TRNP1: variants seen among roughly 807,000 people sequenced by gnomAD.
The protein encoded by TRNP1 is TMF1 regulated nuclear protein 1.
In TRNP1, 16 loss-of-function variants were observed where a neutral mutation model predicts 12.2. The observed-to-expected ratio is 1.31, with a 90% CI of 0.89 to 1.99. TRNP1 has a LOEUF of 1.99. Ranked by LOEUF, TRNP1 falls within the 30% of genes most tolerant of loss-of-function variation. The pLI, the probability that TRNP1 is intolerant of heterozygous loss-of-function variation, is 0.00. For missense variants in TRNP1, 338 were observed against 330.4 expected (o/e 1.02, Z -0.18); for synonymous variants, 139 against 166.2 (o/e 0.84, Z 1.26).
rs189923445 is a variant in TRNP1 at position 26,998,885 on chromosome 1, G to C, written c.*143-962G>C. 2.6e-5 allele frequency among the ~76,000 whole-genome samples: 4 copies of C among 152,320 alleles called. No homozygotes were observed. The East Asian group carries it at 7.7e-4, about 29-fold the overall frequency. On this transcript the variant is annotated intron_variant, in intron 1 of 1. Transcript: ENST00000522111. ...AAGTGAGGGATCTCTTAAACATTAG[G>C]ATATATGGTGATTCATTTATCAGGC... is the stretch of plus-strand genomic sequence containing the variant.
intron 1 of TRNP1, among the ~76,000 whole-genome samples, chr1:26,996,614 A>AAC (rs1217247830): frequency 2.0e-5 from 3 of 152,122 alleles, no homozygotes; most frequent in African/African-American, 7.2e-5. Context: ...TGCAGCCAGG[A>AAC]CCATTTGTTT....
chr1:26,993,845 A>T lies in TRNP1; in HGVS notation c.59A>T (p.Gln20Leu). The change falls in exon 1 of 2, where the codon CAG becomes CTG. Residue 20 changes from glutamine (Q) to leucine (L), a missense_variant. Physicochemically the swap from Gln to Leu is moderately radical, Grantham distance 113. Coordinates refer to ENST00000522111, the MANE Select transcript of TRNP1 (RefSeq NM_001013642.3). The stretch of plus-strand genomic sequence containing the variant: ...GGGGCCCAGGAGGGGACGGCAGAGC[A>T]GAGGTCGCCGCCGCCGCCCTGGGAT... Reference protein sequence around the residue: ...GPGAQEGTAEQRSPPPPWDPM... With the variant: ...GPGAQEGTAELRSPPPPWDPM... 2.2e-6 allele frequency: 3 copies of T among 1,352,844 alleles called. No individual in the cohort carries two copies. Among genetic ancestry groups the T allele is most frequent in the Non-Finnish European group, 2.8e-6 (3 of 1,060,212 alleles). The allele number at this position is 1,352,844 out of a possible 1,614,324, so 83.8% of individuals were successfully genotyped here.
intron 1 of TRNP1, among the ~76,000 whole-genome samples, chr1:26,996,862 C>G (rs1161831133): frequency 6.6e-6 from 1 of 152,038 alleles, no homozygotes; most frequent in East Asian, 1.9e-4. Context: ...AGCTCTGCCC[C>G]CTCCCTCCAC....
chr1:26,999,095 A>G (rs995242169), intron 1 of TRNP1, among the ~76,000 whole-genome samples: 20 of 152,102 alleles, frequency 1.3e-4, no homozygotes, highest in African/African-American at 3.6e-4. Flanking sequence ...TGAGTCAGCA[A>G]CCTGGCTTCT....
intron 1 of TRNP1, among the ~76,000 whole-genome samples, chr1:26,998,920 G>T (rs1245763040): frequency 6.6e-6 from 1 of 152,214 alleles, no homozygotes; most frequent in African/African-American, 2.4e-5. Flanking sequence ...CTAAAGAGAG[G>T]TCCGTTTAGG....
At chr1:26,995,039 G>T (rs904069267) in intron 1 of TRNP1, among the ~76,000 whole-genome samples, 1 of 152,254 alleles carries the variant, frequency 6.6e-6, no homozygotes, top group African/African-American at 2.4e-5. Context: ...GTGGAGGCTG[G>T]CACAGGGCTG....
chr1:26,994,460 C>T lies in TRNP1; in HGVS notation c.674C>T (p.Pro225Leu), dbSNP rs1324970175. ...AGCCCGCCCCGCGGCCCCGCCTCCC[C>T]GCAGCGCTGACCTCCACGCCCGGAC... ...RRSPPRGPAS[P>L]QR Residue 225 changes from proline (P) to leucine (L), a missense_variant, in exon 1 of 2, where the codon CCG becomes CTG. Transcript: ENST00000522111. The surrounding 1 kb of genome is among the most constrained non-coding windows in gnomAD (Gnocchi z 6.9). 1 of 1,178,464 alleles carries T rather than the reference C, an allele frequency of 8.5e-7. No individual in the cohort carries two copies. Among genetic ancestry groups the T allele is most frequent in the Non-Finnish European group, 1.0e-6 (1 of 953,278 alleles). The allele number at this position is 1,178,464 out of a possible 1,614,324, so 73.0% of individuals were successfully genotyped here.
At position 26,993,697 on chromosome 1, in the gene TRNP1, G is replaced by C. The variant is rs1048985003; in HGVS notation, c.-90G>C. On this transcript the variant is annotated 5_prime_UTR_variant, in exon 1 of 2. Coordinates refer to ENST00000522111, the MANE Select transcript of TRNP1 (RefSeq NM_001013642.3). ...CGGACGGCGGGCGCGCCTCTGGGGT[G>C]GGGGCTGTGGCCGTGTCTAGCTGTT... 5.7e-6 allele frequency: 7 copies of C among 1,234,340 alleles called. No homozygotes were observed. The highest frequency in any genetic ancestry group is 4.3e-5 in the Admixed American group (1 of 23,412). 76.5% of individuals were successfully genotyped at this position (1,234,340 alleles called of 1,614,324 possible).
At position 26,994,177 on chromosome 1, in the gene TRNP1, C is replaced by T; in HGVS notation, c.391C>T (p.His131Tyr). Residue 131 changes from histidine (H) to tyrosine (Y), a missense_variant, in exon 1 of 2, where the codon CAC (histidine) becomes TAC (tyrosine). Coordinates refer to ENST00000522111, the MANE Select transcript of TRNP1 (RefSeq NM_001013642.3). The surrounding 1 kb of genome is among the most constrained non-coding windows in gnomAD (Gnocchi z 6.9). ...GCTGGAGAGCCGCGTGCTGCAGCTG[C>T]ACCGCGTTTTCTTGGCGGCCGAGCT... ...SELESRVLQL[H>Y]RVFLAAELRL... 7.7e-7 allele frequency: 1 copy of T among 1,301,588 alleles called. No individual in the cohort carries two copies. The highest frequency in any genetic ancestry group is 9.8e-7 in the Non-Finnish European group (1 of 1,020,242). 80.6% of individuals were successfully genotyped at this position (1,301,588 alleles called of 1,614,324 possible). A position where few individuals can be genotyped will look rare whatever the true frequency, so the allele number is the denominator to read the frequency against.
chr1:26,993,748 G>C lies in TRNP1; in HGVS notation c.-39G>C. ...CGGGTGTGCTGTGGTCATCCTCCCTGCGCACCTACAGCCGCAGACCGCCGG... is the reference window on the plus strand; with the variant it reads ...CGGGTGTGCTGTGGTCATCCTCCCTCCGCACCTACAGCCGCAGACCGCCGG... On this transcript the variant is annotated 5_prime_UTR_variant, in exon 1 of 2. Coordinates refer to ENST00000522111, the MANE Select transcript of TRNP1 (RefSeq NM_001013642.3). 1 of 1,282,916 alleles carries C rather than the reference G, an allele frequency of 7.8e-7. No homozygotes were observed. Among genetic ancestry groups the C allele is most frequent in the South Asian group, 2.4e-5 (1 of 41,176 alleles). 79.5% of individuals were successfully genotyped at this position (1,282,916 alleles called of 1,614,324 possible).
rs1423540892 is a variant in TRNP1, at chr1:27,000,592, GT to G, written c.*889del. 1 of 152,650 alleles carries G rather than the reference GT, an allele frequency of 6.6e-6. No homozygotes were observed. The highest frequency in any genetic ancestry group is 1.5e-5 in the Non-Finnish European group (1 of 68,036). The allele number at this position is 152,650 out of a possible 1,614,324, so 9.5% of individuals were successfully genotyped here. A position where few individuals can be genotyped will look rare whatever the true frequency, so the allele number is the denominator to read the frequency against. ...ACTTGTAGAATTCTGCATAGTGAAT[GT>G]ATATTGAATTAGTCTCCTGCCTTAT... On this transcript the variant is annotated 3_prime_UTR_variant, in exon 2 of 2. Transcript: ENST00000522111.
chr1:27,000,295 C>T lies in TRNP1; in HGVS notation c.*591C>T, dbSNP rs1444024393. 8 of 152,304 alleles carry T rather than the reference C, an allele frequency of 5.3e-5. No homozygotes were observed. The highest frequency in any genetic ancestry group is 2.1e-4 in the South Asian group (1 of 4,824). The allele number at this position is 152,304 out of a possible 1,614,324, so 9.4% of individuals were successfully genotyped here. A position where few individuals can be genotyped will look rare whatever the true frequency, so the allele number is the denominator to read the frequency against. ...GATGTCATTGCTTCAAGTCTAACGG[C>T]GCCGGGAGGCCTGTTTGAGGGAAAA... On this transcript the variant is annotated 3_prime_UTR_variant, in exon 2 of 2. Coordinates refer to ENST00000522111, the MANE Select transcript of TRNP1 (RefSeq NM_001013642.3).
In TRNP1 at chr1:26,994,982, C is replaced by T. The variant is rs530705924; in HGVS notation, c.*142+370C>T. The stretch of plus-strand genomic sequence containing the variant: ...GAGGATGCTGCTTCCTGGCGCCGCC[C>T]AGCTCCGTGCCTTCGGGAGGACAGA... On this transcript the variant is annotated intron_variant, in intron 1 of 1. Coordinates refer to ENST00000522111, the MANE Select transcript of TRNP1 (RefSeq NM_001013642.3). This position sits in a 1 kb window ranked among gnomAD's most constrained non-coding sequence, Gnocchi z 6.9. Among the ~76,000 whole-genome samples the T allele has an allele frequency of 3.0e-4, 46 of 152,340 alleles. No individual in the cohort carries two copies. The highest frequency in any genetic ancestry group is 9.6e-4 in the African/African-American group (40 of 41,578).
At chr1:26,997,850 G>GT (rs2124195227) in intron 1 of TRNP1, among the ~76,000 whole-genome samples, 1 of 152,270 alleles carries the variant, frequency 6.6e-6, no homozygotes, top group South Asian at 2.1e-4. Context: ...AGACGAAGGG[G>GT]TGTGGCCTGG....
rs773643370 is a variant in TRNP1, at chr1:26,993,762, G to A, written c.-25G>A. The A allele has an allele frequency of 5.4e-6, 7 of 1,288,388 alleles. No individual in the cohort carries two copies. Among genetic ancestry groups the A allele is most frequent in the Non-Finnish European group, 6.9e-6 (7 of 1,018,904 alleles). 79.8% of individuals were successfully genotyped at this position (1,288,388 alleles called of 1,614,324 possible). Reference sequence around the variant, plus strand: ...TCATCCTCCCTGCGCACCTACAGCCGCAGACCGCCGGTGGGGGGCGGGGGA... The same window carrying A: ...TCATCCTCCCTGCGCACCTACAGCCACAGACCGCCGGTGGGGGGCGGGGGA... On this transcript the variant is annotated 5_prime_UTR_variant, in exon 1 of 2. Transcript: ENST00000522111.
At chr1:26,997,555 C>T (rs915795327) in intron 1 of TRNP1, among the ~76,000 whole-genome samples, 2 of 152,044 alleles carry the variant, frequency 1.3e-5, no homozygotes, top group African/African-American at 4.8e-5. Flanking sequence ...GAAGGCTGAC[C>T]CACCCCTTTT....
chr1:26,994,085 C>A lies in TRNP1; in HGVS notation c.299C>A (p.Ala100Glu). 8.2e-7 allele frequency: 1 copy of A among 1,217,676 alleles called. No individual in the cohort carries two copies. The highest frequency in any genetic ancestry group is 1.0e-6 in the Non-Finnish European group (1 of 980,354). 75.4% of individuals were successfully genotyped at this position (1,217,676 alleles called of 1,614,324 possible). ...GCGGCTGCGGGGGCGGGGGGCCGCG[C>A]GCTGGAGCTGGCCGAAGCACGGCGG... ...SGAAAGAGGRALELAEARRRL... is the reference protein window; with the variant it reads ...SGAAAGAGGRELELAEARRRL... The change falls in exon 1 of 2, where the codon GCG becomes GAG. Residue 100 changes from alanine to glutamate, a missense_variant. Coordinates refer to ENST00000522111, the MANE Select transcript of TRNP1 (RefSeq NM_001013642.3). The surrounding 1 kb of genome is among the most constrained non-coding windows in gnomAD (Gnocchi z 6.9).
intron 1 of TRNP1, among the ~76,000 whole-genome samples, chr1:26,998,360 A>G (rs1363705081): frequency 6.6e-6 from 1 of 152,150 alleles, no homozygotes; most frequent in Non-Finnish European, 1.5e-5. Flanking sequence ...GACCAGAGTT[A>G]TTTTGTATTC....
In TRNP1 at chr1:26,994,139, G is replaced by A; in HGVS notation, c.353G>A (p.Arg118His). The change falls in exon 1 of 2, where the codon CGC becomes CAC. Residue 118 changes from arginine (R) to histidine (H), a missense_variant. By Grantham distance (29) the Arg-to-His change is conservative. Transcript: ENST00000522111. This position sits in a 1 kb window ranked among gnomAD's most constrained non-coding sequence, Gnocchi z 6.9. ...RRLLEVEGRR[R>H]LVSELESRVL... ...CTGCTGGAGGTGGAGGGCCGCCGGC[G>A]CCTGGTGTCGGAGCTGGAGAGCCGC... is the stretch of plus-strand genomic sequence containing the variant. 1 of 1,249,556 alleles carries A rather than the reference G, an allele frequency of 8.0e-7. No homozygotes were observed. Among genetic ancestry groups the A allele is most frequent in the Non-Finnish European group, 1.0e-6 (1 of 994,522 alleles). The allele number at this position is 1,249,556 out of a possible 1,614,324, so 77.4% of individuals were successfully genotyped here. A position where few individuals can be genotyped will look rare whatever the true frequency, so the allele number is the denominator to read the frequency against.
Sources: allele counts gnomAD v4.1 joint callset (sites outside exome capture counted in the v4.1 genomes callset), GRCh38; gene constraint gnomAD v4.1.1; non-coding constraint Gnocchi (gnomAD v3.1); transcripts MANE v1.5; gene names NCBI Gene and HGNC (gene_info 2026-07-23, HGNC 2026-07-21).